PRIM2: variants seen among roughly 807,000 people sequenced by gnomAD.
PRIM2 encodes the protein DNA primase subunit 2.
A neutral mutation model predicts 67.3 loss-of-function variants in PRIM2; 39 were observed. The ratio of observed to expected loss-of-function variants is 0.58; its 90% confidence interval spans 0.45 to 0.76. PRIM2 has a LOEUF of 0.76. Among genes scored for constraint, PRIM2 ranks in the 30% least tolerant of loss-of-function variants. The pLI, the probability that PRIM2 is intolerant of heterozygous loss-of-function variation, is 0.00. For synonymous variants in PRIM2, 143 were observed against 198.7 expected, an observed-to-expected ratio of 0.72 and a Z score of 2.36; for missense variants, 398 against 598.7, an observed-to-expected ratio of 0.66 and a Z score of 3.50.
At chr6:57,293,557 T>G in the PRIM2 span, among the ~76,000 whole-genome samples, 1 of 152,206 alleles carries the variant, frequency 6.6e-6, no homozygotes, top group African/African-American at 2.4e-5. Flanking sequence ...TGTGGCACTA[T>G]TCACAATAGC....
intron 5 of PRIM2, among the ~76,000 whole-genome samples, chr6:57,346,540 G>C (rs1768684654): frequency 6.6e-6 from 1 of 152,082 alleles, no homozygotes; most frequent in Admixed American, 6.6e-5. Flanking sequence ...GGCTGGTCTT[G>C]AACTCCTGAC....
chr6:57,307,650 T>A, the PRIM2 span, among the ~76,000 whole-genome samples: 8 of 152,232 alleles, frequency 5.3e-5, no homozygotes, highest in East Asian at 1.5e-3. Context: ...TTACTGTCTC[T>A]AGGTCTGAAA....
intron 7 of PRIM2, among the ~76,000 whole-genome samples, chr6:57,503,460 G>A (rs1377942975): frequency 6.6e-6 from 1 of 152,158 alleles, no homozygotes; most frequent in Non-Finnish European, 1.5e-5. Flanking sequence ...TAGAAGGAAG[G>A]AACTATGGCT....
chr6:57,374,906 A>C (rs1769705310), intron 5 of PRIM2, among the ~76,000 whole-genome samples: 1 of 152,260 alleles, frequency 6.6e-6, no homozygotes, highest in South Asian at 2.1e-4. Context: ...TGATTTTTGC[A>C]TGTTAGTTTA....
At chr6:57,553,407 A>G (rs1412252606) in intron 10 of PRIM2, among the ~76,000 whole-genome samples, 7 of 151,982 alleles carry the variant, frequency 4.6e-5, no homozygotes, top group Admixed American at 2.0e-4. Flanking sequence ...TGAAAAATCT[A>G]TATTTAAAAA....
At chr6:57,283,690 A>G in the PRIM2 span, among the ~76,000 whole-genome samples, 1 of 152,130 alleles carries the variant, frequency 6.6e-6, no homozygotes, top group African/African-American at 2.4e-5. Flanking sequence ...TATGTGAAAG[A>G]TTTGTAAGGC....
chr6:57,326,778 T>A (rs1767875098), intron 5 of PRIM2, among the ~76,000 whole-genome samples: 1 of 151,976 alleles, frequency 6.6e-6, no homozygotes, highest in African/African-American at 2.4e-5. Flanking sequence ...TGAATAGTTT[T>A]AAAAAATAAT....
At chr6:57,285,047 C>T in the PRIM2 span, among the ~76,000 whole-genome samples, 17 of 152,316 alleles carry the variant, frequency 1.1e-4, no homozygotes, top group African/African-American at 4.1e-4. Context: ...TTCCTGGACA[C>T]ATACACCCTC....
upstream of PRIM2, among the ~76,000 whole-genome samples, chr6:57,310,079 A>G (rs1447086907): frequency 3.9e-5 from 6 of 152,058 alleles, no homozygotes; most frequent in Non-Finnish European, 8.8e-5. Context: ...TCTACAATGA[A>G]CTCAAACAAA....
At chr6:57,392,816 A>T (rs1207613263) in intron 7 of PRIM2, among the ~76,000 whole-genome samples, 2 of 151,794 alleles carry the variant, frequency 1.3e-5, no homozygotes, top group Non-Finnish European at 2.9e-5. Context: ...TTGTAGTCTT[A>T]TTTTTTGTCC....
chr6:57,423,869 T>C lies in PRIM2; in HGVS notation c.693+41701T>C, dbSNP rs1296379428. Reference sequence around the variant, plus strand: ...CCAGTCAGTGCAGGAGTTTTAAGGGTCCAGGTCTAAAGGTGGAATTGCATC... The same window carrying C: ...CCAGTCAGTGCAGGAGTTTTAAGGGCCCAGGTCTAAAGGTGGAATTGCATC... On this transcript the variant is annotated intron_variant, in intron 7 of 13. Transcript: ENST00000615550. 1.2e-4 allele frequency among the ~76,000 whole-genome samples: 18 copies of C among 152,170 alleles called. 1 individual carries two copies. The highest frequency in any genetic ancestry group is 1.2e-3 in the Admixed American group (18 of 15,276).
chr6:57,420,688 C>T (rs1292475323), intron 7 of PRIM2, among the ~76,000 whole-genome samples: 3 of 152,118 alleles, frequency 2.0e-5, no homozygotes, highest in African/African-American at 7.2e-5. Flanking sequence ...GCCAGGATGG[C>T]TAAGAATTGA....
intron 10 of PRIM2, among the ~76,000 whole-genome samples, chr6:57,582,608 G>C (rs1258707067): frequency 6.6e-6 from 1 of 151,970 alleles, no homozygotes; most frequent in East Asian, 1.9e-4. Context: ...CTTTTCTCTG[G>C]TTTTCATTGA....
At chr6:57,444,677 G>C (rs5023907) in intron 7 of PRIM2, among the ~76,000 whole-genome samples, 1 of 152,088 alleles carries the variant, frequency 6.6e-6, no homozygotes, top group Non-Finnish European at 1.5e-5. Context: ...ATACATGTTT[G>C]TTTTACAAGG....
At chr6:57,381,892 G>A in intron 6 of PRIM2, 139 bp from the exon 7 acceptor site, 1 of 870,712 alleles carries the variant, frequency 1.1e-6, no homozygotes, top group Non-Finnish European at 1.6e-6. Flanking sequence ...GTTTTAAGGA[G>A]GATAAATTAA....
At chr6:57,497,928 G>A (rs1774041985) in intron 7 of PRIM2, among the ~76,000 whole-genome samples, 2 of 152,162 alleles carry the variant, frequency 1.3e-5, no homozygotes, top group African/African-American at 4.8e-5. Flanking sequence ...GAAATGTAAT[G>A]TGGAATCTCA....
chr6:57,313,338 T>A (rs1767422801), upstream of PRIM2, among the ~76,000 whole-genome samples: 1 of 152,196 alleles, frequency 6.6e-6, no homozygotes, highest in Non-Finnish European at 1.5e-5. Context: ...TTGTCTCTCT[T>A]CCCCATTAGA....
intron 12 of PRIM2, among the ~76,000 whole-genome samples, chr6:57,628,793 C>A (rs1189390279): frequency 6.6e-6 from 1 of 152,212 alleles, no homozygotes; most frequent in South Asian, 2.1e-4. Context: ...TCAGCTGCAT[C>A]TGTGTTGCCA....
At chr6:57,330,228 C>G (rs552473683) in intron 5 of PRIM2, among the ~76,000 whole-genome samples, 46 of 151,580 alleles carry the variant, frequency 3.0e-4, no homozygotes, top group Middle Eastern at 3.4e-3. Context: ...AAATATTCTT[C>G]AATGTTATTG....
Sources: gnomAD v4.1 joint callset for allele counts (sites outside exome capture counted in the v4.1 genomes callset) on GRCh38, gnomAD v4.1.1 for gene constraint, MANE v1.5 for transcripts, NCBI Gene and HGNC (gene_info 2026-07-23, HGNC 2026-07-21) for gene names.